Variants in RXRA observed in about 807,000 individuals in gnomAD.
RXRA encodes the protein retinoid X receptor alpha, also known as retinoic acid receptor RXR-alpha.
RXRA carries 5 observed loss-of-function variants against 44.5 expected under a neutral mutation model. That is an observed-to-expected ratio of 0.11 (90% CI 0.06 to 0.24). The LOEUF is 0.24. Among genes scored for constraint, RXRA ranks in the 10% least tolerant of loss-of-function variants. The pLI, the probability that RXRA is intolerant of heterozygous loss-of-function variation, is 1.00. For synonymous variants in RXRA, 291 were observed against 271.4 expected, an observed-to-expected ratio of 1.07 and a Z score of -0.71; for missense variants, 412 against 646.5, an observed-to-expected ratio of 0.64 and a Z score of 3.93.
At chr9:134,352,040 G>C (rs114885371) in intron 1 of RXRA, among the ~76,000 whole-genome samples, 1 of 152,218 alleles carries the variant, frequency 6.6e-6, no homozygotes, top group East Asian at 1.9e-4. Flanking sequence ...GCCAGAGGGC[G>C]GCTCGGGGCA....
In RXRA at chr9:134,368,653, G is replaced by T. The variant is rs1450736173; in HGVS notation, c.29-32979G>T. 3.3e-5 allele frequency among the ~76,000 whole-genome samples: 5 copies of T among 151,466 alleles called. No homozygotes were observed. The East Asian group carries it at 9.8e-4, about 30-fold the overall frequency. ...GTGGCTGTGTGGTGTGTGTGTGAGG[G>T]TGTGTGTGTGTGACTGAGGATGTAT... On this transcript the variant is annotated intron_variant, in intron 1 of 9. Transcript: ENST00000481739.
At chr9:134,405,631 G>A (rs528723210) in intron 2 of RXRA, 13 of 152,494 alleles carry the variant, frequency 8.5e-5, no homozygotes, top group East Asian at 1.9e-4. Context: ...CTACCCACCC[G>A]AGGTGGTTTG....
rs1295067951 is a variant in RXRA at position 134,417,093 on chromosome 9, C to A, written c.611-65C>A. On this transcript the variant is annotated intron_variant, in intron 4 of 9. Coordinates refer to ENST00000481739, the MANE Select transcript of RXRA (RefSeq NM_002957.6). This position sits in a 1 kb window ranked among gnomAD's most constrained non-coding sequence, Gnocchi z 6.1. ...GGGAGCTGGCACCACCCGGCCAGGA[C>A]AGCCTTCCCTGGGAGCCACTGGCCG... 3 of 1,528,514 alleles carry A rather than the reference C, an allele frequency of 2.0e-6. No homozygotes were observed. In the South Asian group the frequency reaches 3.6e-5, roughly 18 times the overall value. The allele number at this position is 1,528,514 out of a possible 1,614,324, so 94.7% of individuals were successfully genotyped here.
At chr9:134,367,533 C>G (rs115065472) in intron 1 of RXRA, among the ~76,000 whole-genome samples, 1 of 152,222 alleles carries the variant, frequency 6.6e-6, no homozygotes, top group African/African-American at 2.4e-5. Flanking sequence ...GTTCAGTGGT[C>G]GAGGAGCCAG....
At chr9:134,390,865 T>C (rs1243493468) in intron 1 of RXRA, among the ~76,000 whole-genome samples, 1 of 152,196 alleles carries the variant, frequency 6.6e-6, no homozygotes, top group Non-Finnish European at 1.5e-5. Context: ...AAGCCTCTTC[T>C]GTGGGAAGGA....
At chr9:134,385,635 G>A (rs913220927) in intron 1 of RXRA, among the ~76,000 whole-genome samples, 2 of 152,234 alleles carry the variant, frequency 1.3e-5, no homozygotes. Context: ...GTGAGGGCCT[G>A]CGCGAGCGGT....
Position 134,349,596 on chromosome 9 carries a change from C to G in RXRA, c.28+22937C>G, listed in dbSNP as rs1329377725. On this transcript the variant is annotated intron_variant, in intron 1 of 9. Coordinates refer to ENST00000481739, the MANE Select transcript of RXRA (RefSeq NM_002957.6). The surrounding 1 kb of genome is among the most constrained non-coding windows in gnomAD (Gnocchi z 4.3). ...GCATGGGCCAGACAGGGGCAGGGTT[C>G]TCAGGTGGCCCCCATGAGTGGGTGA... is the stretch of plus-strand genomic sequence containing the variant. Among the ~76,000 whole-genome samples, 2 of 152,180 alleles carry G rather than the reference C, an allele frequency of 1.3e-5. No homozygotes were observed. The highest frequency in any genetic ancestry group is 2.9e-5 in the Non-Finnish European group (2 of 68,018).
intron 1 of RXRA, among the ~76,000 whole-genome samples, chr9:134,391,958 G>A (rs1188500278): frequency 2.6e-5 from 4 of 152,204 alleles, no homozygotes; most frequent in Admixed American, 2.6e-4. Flanking sequence ...ATGAAATGTT[G>A]GCCTGGCGTG....
chr9:134,407,405 C>T lies in RXRA; in HGVS notation c.280-744C>T, dbSNP rs1831069604. On this transcript the variant is annotated intron_variant, in intron 2 of 9. Coordinates refer to ENST00000481739, the MANE Select transcript of RXRA (RefSeq NM_002957.6). This position sits in a 1 kb window ranked among gnomAD's most constrained non-coding sequence, Gnocchi z 4.8. ...GCTGCAGCGGGAAGCGCCTGTGGGT[C>T]CTCGGCGCTGACTGCAGAGCTGGGT... Among the ~76,000 whole-genome samples, 1 of 152,214 alleles carries T rather than the reference C, an allele frequency of 6.6e-6. No homozygotes were observed.
At chr9:134,401,560 G>C (rs1222398713) in intron 1 of RXRA, 72 bp from the exon 2 acceptor site, 9 of 1,600,128 alleles carry the variant, frequency 5.6e-6, no homozygotes, top group Non-Finnish European at 7.6e-6. Context: ...TCTGTAGCTG[G>C]GGGGAGCAGG....
intron 4 of RXRA, among the ~76,000 whole-genome samples, chr9:134,411,621 G>T (rs2119164872): frequency 6.6e-6 from 1 of 152,338 alleles, no homozygotes; most frequent in South Asian, 2.1e-4. Flanking sequence ...GGCCGTGAGA[G>T]AAACTGCTGC....
At position 134,343,136 on chromosome 9, in the gene RXRA, C is replaced by T. The variant is rs1396060461; in HGVS notation, c.28+16477C>T. ...GCCCTGGAGCCAGGGAAGCTGTCTGCGGCCCACAGTTCAGGGCCCCACACA... is the reference window on the plus strand; with the variant it reads ...GCCCTGGAGCCAGGGAAGCTGTCTGTGGCCCACAGTTCAGGGCCCCACACA... On this transcript the variant is annotated intron_variant, in intron 1 of 9. Transcript: ENST00000481739. This position sits in a 1 kb window ranked among gnomAD's most constrained non-coding sequence, Gnocchi z 4.1. 2.6e-5 allele frequency among the ~76,000 whole-genome samples: 4 copies of T among 150,990 alleles called. No homozygotes were observed. The highest frequency in any genetic ancestry group is 2.0e-4 in the East Asian group (1 of 5,096).
chr9:134,350,096 G>C (rs901048449), intron 1 of RXRA, among the ~76,000 whole-genome samples: 1 of 151,742 alleles, frequency 6.6e-6, no homozygotes, highest in African/African-American at 2.4e-5. Flanking sequence ...GGAAGGTGGG[G>C]GTACAGCTGC....
At chr9:134,391,351 G>A (rs1055416565) in intron 1 of RXRA, among the ~76,000 whole-genome samples, 5 of 152,178 alleles carry the variant, frequency 3.3e-5, no homozygotes, top group African/African-American at 1.2e-4. Context: ...GGAAAGCCTG[G>A]CCGTTCCACG....
chr9:134,346,054 G>A (rs971842414), intron 1 of RXRA, among the ~76,000 whole-genome samples: 2 of 152,176 alleles, frequency 1.3e-5, no homozygotes, highest in African/African-American at 4.8e-5. Context: ...ATTTCTGGGG[G>A]GTGGGGTCCA....
At chr9:134,387,869 G>A (rs1830742949) in intron 1 of RXRA, among the ~76,000 whole-genome samples, 3 of 152,142 alleles carry the variant, frequency 2.0e-5, no homozygotes, top group Admixed American at 2.0e-4. Context: ...GTGAAGGCCC[G>A]TTCCCAGCCT....
intron 7 of RXRA, among the ~76,000 whole-genome samples, chr9:134,430,603 A>G (rs901995010): frequency 1.7e-4 from 26 of 151,004 alleles, no homozygotes; most frequent in African/African-American, 4.6e-4. Context: ...TTGCCGCAGG[A>G]CTTGTCAGGG....
chr9:134,418,263 A>G (rs1301146769), intron 5 of RXRA, among the ~76,000 whole-genome samples: 1 of 152,020 alleles, frequency 6.6e-6, no homozygotes, highest in African/African-American at 2.4e-5. Context: ...GCTCCTGGCC[A>G]CCCGTGTGAA....
chr9:134,360,904 C>T (rs779148375), intron 1 of RXRA, among the ~76,000 whole-genome samples: 3 of 152,206 alleles, frequency 2.0e-5, no homozygotes, highest in East Asian at 3.9e-4. Context: ...GCTCTGAGCC[C>T]GATGCAGGGC....
Sources: allele counts gnomAD v4.1 joint callset (sites outside exome capture counted in the v4.1 genomes callset), GRCh38; gene constraint gnomAD v4.1.1; non-coding constraint Gnocchi (gnomAD v3.1); transcripts MANE v1.5; gene names NCBI Gene and HGNC (gene_info 2026-07-23, HGNC 2026-07-21).